Variants in GPR160 observed in about 807,000 individuals in gnomAD.
GPR160 encodes G protein-coupled receptor 160, also known as probable G protein-coupled receptor 160.
A neutral mutation model predicts 2.6 loss-of-function variants in GPR160; 2 were observed. The observed-to-expected ratio is 0.77, with a 90% CI of 0.32 to 2.44. GPR160 has a LOEUF of 2.44. Ranked by LOEUF, GPR160 falls within the 30% of genes most tolerant of loss-of-function variation. GPR160 has a pLI of 0.11. For missense variants in GPR160, 351 were observed against 383.6 expected (o/e 0.91, Z 0.71); for synonymous variants, 130 against 132.2 (o/e 0.98, Z 0.12).
chr3:170,084,448 C>A lies in GPR160; in HGVS notation c.476C>A (p.Ala159Asp). The A allele has an allele frequency of 6.2e-7, 1 of 1,612,250 alleles. No individual in the cohort carries two copies. The highest frequency in any genetic ancestry group is 8.5e-7 in the Non-Finnish European group (1 of 1,178,358). ...CTTGCTTATGTTTTGGGAGACCCAGCCATCTACCAAAGCCTGAAGGCACAG... is the reference window on the plus strand; with the variant it reads ...CTTGCTTATGTTTTGGGAGACCCAGACATCTACCAAAGCCTGAAGGCACAG... ...SVLAYVLGDPAIYQSLKAQNA... is the reference protein window; with the variant it reads ...SVLAYVLGDPDIYQSLKAQNA... Residue 159 changes from alanine to aspartate, a missense_variant, in exon 4 of 4, where the codon GCC becomes GAC. Transcript: ENST00000355897.
Position 170,038,793 on chromosome 3 carries a change from G to C in GPR160, c.-321-122G>C, listed in dbSNP as rs1451268758. On this transcript the variant is annotated intron_variant, in intron 1 of 3. Transcript: ENST00000355897. The surrounding 1 kb of genome is among the most constrained non-coding windows in gnomAD (Gnocchi z 5.3). ...GGCCTTGCCCGGCTATTTGTTTTCC[G>C]AGGCCGTTGCGTCCGGGTAGGTTCC... 6.6e-6 allele frequency: 1 copy of C among 152,092 alleles called. No homozygotes were observed. The highest frequency in any genetic ancestry group is 1.5e-5 in the Non-Finnish European group (1 of 68,000). 9.4% of individuals were successfully genotyped at this position (152,092 alleles called of 1,614,324 possible).
chr3:170,060,604 G>A (rs1326987744), intron 2 of GPR160, among the ~76,000 whole-genome samples: 1 of 151,652 alleles, frequency 6.6e-6, no homozygotes, highest in Non-Finnish European at 1.5e-5. Flanking sequence ...CTACAAAACA[G>A]TATTTTAAAA....
intron 2 of GPR160, among the ~76,000 whole-genome samples, chr3:170,061,300 A>G (rs544153834): frequency 6.6e-6 from 1 of 151,776 alleles, no homozygotes; most frequent in East Asian, 1.9e-4. Flanking sequence ...AAAGATAAAA[A>G]ACAACAACAA....
Position 170,076,298 on chromosome 3 carries a change from A to C in GPR160, c.-192-3476A>C, listed in dbSNP as rs895922736. On this transcript the variant is annotated intron_variant, in intron 2 of 3. Coordinates refer to ENST00000355897, the MANE Select transcript of GPR160 (RefSeq NM_014373.3). The stretch of plus-strand genomic sequence containing the variant: ...AACATTTCCATATTTTCTATATTGA[A>C]TATAACTGTACTGTGCAAATGGATG... Among the ~76,000 whole-genome samples the C allele has an allele frequency of 5.6e-4, 86 of 152,316 alleles. 1 individual carries two copies. The highest frequency in any genetic ancestry group is 1.9e-3 in the African/African-American group (81 of 41,558).
intron 2 of GPR160, among the ~76,000 whole-genome samples, chr3:170,060,793 G>A (rs894654019): frequency 6.6e-5 from 10 of 151,896 alleles, no homozygotes; most frequent in Non-Finnish European, 1.5e-4. Context: ...ATAATAAAAA[G>A]AAAAAGAAAT....
chr3:170,049,091 C>T (rs1200500899), intron 2 of GPR160, among the ~76,000 whole-genome samples: 1 of 152,180 alleles, frequency 6.6e-6, no homozygotes, highest in Non-Finnish European at 1.5e-5. Flanking sequence ...CTCCTGTCTC[C>T]CTTAACGTAA....
At position 170,084,874 on chromosome 3, in the gene GPR160, T is replaced by G. The variant is rs765945136; in HGVS notation, c.902T>G (p.Leu301Ter). 6.2e-7 allele frequency: 1 copy of G among 1,608,152 alleles called. No individual in the cohort carries two copies. Among genetic ancestry groups the G allele is most frequent in the East Asian group, 2.2e-5 (1 of 44,776 alleles). Reference protein sequence around the residue: ...VYWFNCHKLNLKDIGLPLDPF... With the variant: ...VYWFNCHKLN The stretch of plus-strand genomic sequence containing the variant: ...TGGTTTAATTGTCACAAGCTTAATT[T>G]AAAAGACATTGGATTACCTTTGGAT... The change falls in exon 4 of 4, where the codon TTA becomes TGA. Residue 301 changes from leucine to a stop codon, truncating the protein, a stop_gained. Transcript: ENST00000355897. LOFTEE classifies it high-confidence loss of function.
At chr3:170,061,691 C>A (rs1447477594) in intron 2 of GPR160, among the ~76,000 whole-genome samples, 1 of 152,094 alleles carries the variant, frequency 6.6e-6, no homozygotes, top group African/African-American at 2.4e-5. Flanking sequence ...TGGTATATTT[C>A]CATCTCATCT....
chr3:170,067,675 C>A (rs1212772818), intron 2 of GPR160, among the ~76,000 whole-genome samples: 1 of 152,126 alleles, frequency 6.6e-6, no homozygotes, highest in African/African-American at 2.4e-5. Flanking sequence ...TTCACTTTTA[C>A]AGTCATCAGC....
chr3:170,053,887 AT>A (rs1183695027), intron 2 of GPR160, among the ~76,000 whole-genome samples: 1 of 150,352 alleles, frequency 6.7e-6, no homozygotes, highest in Non-Finnish European at 1.5e-5. Context: ...GAATATATTT[AT>A]TTTTCATCTG....
chr3:170,059,904 G>A (rs555883379), intron 2 of GPR160, among the ~76,000 whole-genome samples: 1 of 152,220 alleles, frequency 6.6e-6, no homozygotes, highest in Non-Finnish European at 1.5e-5. Context: ...GTGGGAACCA[G>A]ATTCTTGCTG....
intron 2 of GPR160, among the ~76,000 whole-genome samples, chr3:170,061,454 A>C (rs972229952): frequency 6.6e-6 from 1 of 151,998 alleles, no homozygotes; most frequent in African/African-American, 2.4e-5. Flanking sequence ...CATTTAATTT[A>C]ATTTCATTAA....
In GPR160 at chr3:170,038,706, C is replaced by G. The variant is rs1405147573; in HGVS notation, c.-321-209C>G. ...TTGGGGCCGACTTTGCCTCCCCTCC[C>G]CTGGCCTCGAGCGTTGGGGACGGCG... is the stretch of plus-strand genomic sequence containing the variant. On this transcript the variant is annotated intron_variant, in intron 1 of 3. Coordinates refer to ENST00000355897, the MANE Select transcript of GPR160 (RefSeq NM_014373.3). The surrounding 1 kb of genome is among the most constrained non-coding windows in gnomAD (Gnocchi z 5.3). 6.6e-6 allele frequency: 1 copy of G among 152,116 alleles called. No individual in the cohort carries two copies. The allele number at this position is 152,116 out of a possible 1,614,324, so 9.4% of individuals were successfully genotyped here. A position where few individuals can be genotyped will look rare whatever the true frequency, so the allele number is the denominator to read the frequency against.
At position 170,038,198 on chromosome 3, in the gene GPR160, A is replaced by AC. The variant is rs1474022895; in HGVS notation, c.-338dup. On this transcript the variant is annotated 5_prime_UTR_variant, in exon 1 of 4. Transcript: ENST00000355897. This position sits in a 1 kb window ranked among gnomAD's most constrained non-coding sequence, Gnocchi z 5.3. ...TCGGGGCCTCAACCTTGCGGAGCCGACAGCCATCGATCCTCGGGTGAGTGC... is the reference window on the plus strand; with the variant it reads ...TCGGGGCCTCAACCTTGCGGAGCCGACCAGCCATCGATCCTCGGGTGAGTGC... 1 of 152,020 alleles carries AC rather than the reference A, an allele frequency of 6.6e-6. No individual in the cohort carries two copies. Among genetic ancestry groups the AC allele is most frequent in the African/African-American group, 2.4e-5 (1 of 41,394 alleles). The allele number at this position is 152,020 out of a possible 1,614,324, so 9.4% of individuals were successfully genotyped here. A position where few individuals can be genotyped will look rare whatever the true frequency, so the allele number is the denominator to read the frequency against.
Position 170,085,127 on chromosome 3 carries a change from A to T in GPR160, c.*138A>T. 1 of 482,758 alleles carries T rather than the reference A, an allele frequency of 2.1e-6. No homozygotes were observed. Among genetic ancestry groups the T allele is most frequent in the South Asian group, 4.8e-5 (1 of 20,656 alleles). 29.9% of individuals were successfully genotyped at this position (482,758 alleles called of 1,614,324 possible). ...TAGCATTTCAGAATGTGTCTTTTGAAGGGCTATGATACCAGTTATTAAATA... is the reference window on the plus strand; with the variant it reads ...TAGCATTTCAGAATGTGTCTTTTGATGGGCTATGATACCAGTTATTAAATA... On this transcript the variant is annotated 3_prime_UTR_variant, in exon 4 of 4. Transcript: ENST00000355897.
chr3:170,084,710 C>CT lies in GPR160; in HGVS notation c.739dup (p.Cys247LeufsTer20). 6.2e-7 allele frequency: 1 copy of CT among 1,612,606 alleles called. No individual in the cohort carries two copies. On this transcript the variant is annotated frameshift_variant, in exon 4 of 4. Transcript: ENST00000355897. LOFTEE classifies it high-confidence loss of function. ...AAATATTCTTATCCAAGCTCATTGT[C>CT]TGTTTTCTCAGTACCTGGTTACCAT...
chr3:170,056,323 AT>A (rs557706229), intron 2 of GPR160, among the ~76,000 whole-genome samples: 6 of 152,254 alleles, frequency 3.9e-5, no homozygotes, highest in Non-Finnish European at 7.3e-5. Flanking sequence ...TTGAGTAAAA[AT>A]TCATGGTAGC....
chr3:170,081,702 G>T (rs6793019), intron 3 of GPR160, among the ~76,000 whole-genome samples: 72,629 of 151,880 alleles, frequency 0.48, 17,851 homozygotes, highest in East Asian at 0.69. Context: ...AATAGTTATT[G>T]TTTCTGCTTC....
chr3:170,059,607 T>C (rs1576898635), intron 2 of GPR160, among the ~76,000 whole-genome samples: 1 of 152,330 alleles, frequency 6.6e-6, no homozygotes, highest in Non-Finnish European at 1.5e-5. Flanking sequence ...AGTTGGAGTC[T>C]GCTTCCTGCT....
Sources: gnomAD v4.1 joint callset for allele counts (sites outside exome capture counted in the v4.1 genomes callset) on GRCh38, gnomAD v4.1.1 for gene constraint, Gnocchi (gnomAD v3.1) non-coding constraint, MANE v1.5 for transcripts, NCBI Gene and HGNC (gene_info 2026-07-23, HGNC 2026-07-21) for gene names.